The following ATP11B variants were observed in gnomAD, a reference collection of about 807,000 sequenced individuals.
The protein encoded by ATP11B is ATPase phospholipid transporting 11B (putative), also known as phospholipid-transporting ATPase IF.
In ATP11B, 81 loss-of-function variants were observed where a neutral mutation model predicts 157.8. That is an observed-to-expected ratio of 0.51 (90% CI 0.43 to 0.62). The LOEUF (loss-of-function observed/expected upper bound fraction) is 0.62, where lower values mean the gene tolerates loss of function less well. ATP11B is among the 20% of genes least tolerant of loss of function. The probability of loss-of-function intolerance (pLI) is 0.00; values close to 1 mark genes in which losing one functional copy is unlikely to be tolerated. For missense variants in ATP11B, 1,165 were observed against 1,402.2 expected (o/e 0.83, Z 2.70); for synonymous variants, 451 against 469.4 (o/e 0.96, Z 0.51).
chr3:182,910,064 C>T (rs1319488724), intron 28 of ATP11B, among the ~76,000 whole-genome samples: 5 of 106,188 alleles, frequency 4.7e-5, no homozygotes, highest in African/African-American at 1.2e-4. Flanking sequence ...GAGTGAGACT[C>T]GGCCTCCAGA....
In ATP11B at chr3:182,818,906, G is replaced by A. The variant is rs1283449215; in HGVS notation, c.28-1354G>A. On this transcript the variant is annotated intron_variant, in intron 1 of 29. Transcript: ENST00000323116. The stretch of plus-strand genomic sequence containing the variant: ...TTAGTAGTACTAGTAAATAGCCCAT[G>A]ACCACTATGTAAAAAAAAAAAAAAA... Among the ~76,000 whole-genome samples, 5 of 143,434 alleles carry A rather than the reference G, an allele frequency of 3.5e-5. 1 individual carries two copies. Among genetic ancestry groups the A allele is most frequent in the Admixed American group, 1.4e-4 (2 of 14,160 alleles). The allele number at this position is 143,434 out of a possible 152,430, so 94.1% of individuals were successfully genotyped here. A position where few individuals can be genotyped will look rare whatever the true frequency, so the allele number is the denominator to read the frequency against.
At chr3:182,875,464 A>G (rs1259427932) in intron 19 of ATP11B, among the ~76,000 whole-genome samples, 1 of 152,026 alleles carries the variant, frequency 6.6e-6, no homozygotes, top group Non-Finnish European at 1.5e-5. Flanking sequence ...GTTTTTTGAG[A>G]CAGAGTTTCA....
At chr3:182,874,803 T>G (rs1458351502) in intron 19 of ATP11B, among the ~76,000 whole-genome samples, 3 of 152,192 alleles carry the variant, frequency 2.0e-5, no homozygotes, top group Non-Finnish European at 4.4e-5. Context: ...CTCTCTTATT[T>G]AAAAAATTAT....
chr3:182,820,108 A>G, intron 1 of ATP11B, 152 bp from the exon 2 acceptor site: 1 of 523,492 alleles, frequency 1.9e-6, no homozygotes, highest in South Asian at 3.1e-5. Context: ...AATAGGTGGC[A>G]TAGCTCTTCT....
chr3:182,834,775 T>A (rs1477461517), intron 4 of ATP11B, among the ~76,000 whole-genome samples: 1 of 152,198 alleles, frequency 6.6e-6, no homozygotes, highest in Admixed American at 6.5e-5. Flanking sequence ...TTAAGCACAA[T>A]TGACCCTTGA....
chr3:182,793,736 G>A lies in ATP11B; in HGVS notation c.-24G>A. Reference sequence around the variant, plus strand: ...GCCCCGCGGCCCCCGCGCCCCGCGGGACCCGGACGGCGACGACGGGGGAAT... The same window carrying A: ...GCCCCGCGGCCCCCGCGCCCCGCGGAACCCGGACGGCGACGACGGGGGAAT... On this transcript the variant is annotated 5_prime_UTR_variant, in exon 1 of 30. Coordinates refer to ENST00000323116, the MANE Select transcript of ATP11B (RefSeq NM_014616.3). The A allele has an allele frequency of 7.1e-7, 1 of 1,406,112 alleles. No individual in the cohort carries two copies. Among genetic ancestry groups the A allele is most frequent in the Non-Finnish European group, 9.3e-7 (1 of 1,074,188 alleles). 87.1% of individuals were successfully genotyped at this position (1,406,112 alleles called of 1,614,324 possible). A position where few individuals can be genotyped will look rare whatever the true frequency, so the allele number is the denominator to read the frequency against.
chr3:182,824,368 T>C (rs1444231257), intron 2 of ATP11B, among the ~76,000 whole-genome samples: 1 of 152,194 alleles, frequency 6.6e-6, no homozygotes, highest in Admixed American at 6.5e-5. Context: ...TTTGCAGCCA[T>C]TGTTGTGTGT....
chr3:182,880,465 T>C (rs575465159), intron 20 of ATP11B, among the ~76,000 whole-genome samples: 2 of 152,298 alleles, frequency 1.3e-5, no homozygotes, highest in South Asian at 4.1e-4. Flanking sequence ...TTAATCTTGA[T>C]TGATTTTTTT....
At chr3:182,881,304 C>T (rs1162570209) in intron 21 of ATP11B, among the ~76,000 whole-genome samples, 1 of 151,974 alleles carries the variant, frequency 6.6e-6, no homozygotes, top group African/African-American at 2.4e-5. Context: ...CGTGGTGGCA[C>T]GTGCCTGTAA....
intron 25 of ATP11B, among the ~76,000 whole-genome samples, chr3:182,895,801 A>G (rs1012804967): frequency 6.6e-6 from 1 of 152,072 alleles, no homozygotes; most frequent in African/African-American, 2.4e-5. Context: ...CTGGCAGGAT[A>G]TTGATAAGAT....
chr3:182,914,356 A>AT, intron 29 of ATP11B: 1 of 980,540 alleles, frequency 1.0e-6, no homozygotes, highest in African/African-American at 1.8e-5. Context: ...TTTTTTTAAA[A>AT]TTTTTTTGCT....
In ATP11B at chr3:182,914,371, G is replaced by T. The variant is rs574411818; in HGVS notation, c.3452+377G>T. 7 of 984,386 alleles carry T rather than the reference G, an allele frequency of 7.1e-6. No homozygotes were observed. The South Asian group carries it at 3.3e-4, about 46-fold the overall frequency. 61.0% of individuals were successfully genotyped at this position (984,386 alleles called of 1,614,324 possible). ...TTTTTTTAAAATTTTTTTGCTTTTT[G>T]TCTTTACAAAATAATCTCAACATAA... On this transcript the variant is annotated intron_variant, in intron 29 of 29. Transcript: ENST00000323116.
intron 7 of ATP11B, among the ~76,000 whole-genome samples, chr3:182,840,878 T>C (rs943704800): frequency 6.6e-6 from 1 of 152,218 alleles, no homozygotes; most frequent in African/African-American, 2.4e-5. Context: ...TGTTCCTTTT[T>C]AAATGTAAGT....
At chr3:182,850,823 G>A (rs557854173) in intron 10 of ATP11B, among the ~76,000 whole-genome samples, 53 of 151,962 alleles carry the variant, frequency 3.5e-4, no homozygotes, top group Non-Finnish European at 7.2e-4. Context: ...GCAAAGATAA[G>A]GATTCAATCT....
intron 20 of ATP11B, among the ~76,000 whole-genome samples, 197 bp downstream of exon 20, chr3:182,879,846 A>G (rs1044520139): frequency 2.6e-5 from 4 of 152,234 alleles, no homozygotes; most frequent in Admixed American, 2.0e-4. Context: ...TCAACTATTC[A>G]TAGTGACCCA....
At chr3:182,873,125 A>G (rs1721785584) in intron 18 of ATP11B, among the ~76,000 whole-genome samples, 1 of 152,128 alleles carries the variant, frequency 6.6e-6, no homozygotes, top group Non-Finnish European at 1.5e-5. Flanking sequence ...TATTATAATT[A>G]TTTGTTTAAA....
intron 1 of ATP11B, 108 bp downstream of exon 1, chr3:182,793,894 G>A: frequency 1.5e-6 from 1 of 682,722 alleles, no homozygotes; most frequent in Non-Finnish European, 2.0e-6. Context: ...CAGGGCGTGG[G>A]CGCCCGGCTA....
chr3:182,838,833 A>G (rs1348112821), intron 7 of ATP11B, among the ~76,000 whole-genome samples: 2 of 151,650 alleles, frequency 1.3e-5, no homozygotes, highest in Admixed American at 6.6e-5. Context: ...AAATATTGCA[A>G]ACATTTTATA....
At chr3:182,835,843 A>G (rs1718505843) in intron 4 of ATP11B, among the ~76,000 whole-genome samples, 192 bp from the exon 5 acceptor site, 2 of 152,200 alleles carry the variant, frequency 1.3e-5, no homozygotes, top group Non-Finnish European at 2.9e-5. Context: ...AGGAAAATGT[A>G]TATGACAAAA....
Sources: gnomAD v4.1 joint callset for allele counts (sites outside exome capture counted in the v4.1 genomes callset) on GRCh38, gnomAD v4.1.1 for gene constraint, MANE v1.5 for transcripts, NCBI Gene and HGNC (gene_info 2026-07-23, HGNC 2026-07-21) for gene names.